EXOG: variants seen among roughly 807,000 people sequenced by gnomAD.
EXOG encodes exo/endonuclease G.
A neutral mutation model predicts 25.8 loss-of-function variants in EXOG; 27 were observed. The ratio of observed to expected loss-of-function variants is 1.05; its 90% CI spans 0.77 to 1.45. The LOEUF (loss-of-function observed/expected upper bound fraction) is 1.45, where lower values mean the gene tolerates loss of function less well. Among genes scored for constraint, EXOG ranks in the 40% most tolerant of loss-of-function variants. The pLI is 0.00. For synonymous variants in EXOG, 133 were observed against 167.0 expected, an observed-to-expected ratio of 0.80 and a Z score of 1.57; for missense variants, 458 against 450.5, an observed-to-expected ratio of 1.02 and a Z score of -0.15.
At chr3:38,516,400 A>G (rs1467973207) in intron 5 of EXOG, among the ~76,000 whole-genome samples, 1 of 152,206 alleles carries the variant, frequency 6.6e-6, no homozygotes. Flanking sequence ...TCAAATTTAT[A>G]GAAAGGTTAT....
intron 5 of EXOG, among the ~76,000 whole-genome samples, chr3:38,517,144 C>T (rs1299158559): frequency 1.3e-5 from 2 of 152,186 alleles, no homozygotes; most frequent in East Asian, 3.8e-4. Context: ...ATATTTCCTG[C>T]CTGAATTAGT....
intron 5 of EXOG, among the ~76,000 whole-genome samples, chr3:38,517,036 C>A (rs2060567046): frequency 1.3e-5 from 2 of 152,144 alleles, no homozygotes; most frequent in African/African-American, 4.8e-5. Context: ...CACCATTTCC[C>A]CCTTTGGAAT....
At chr3:38,514,085 G>GT (rs1436936270) in intron 5 of EXOG, among the ~76,000 whole-genome samples, 6 of 152,228 alleles carry the variant, frequency 3.9e-5, no homozygotes, top group Non-Finnish European at 1.5e-5. Flanking sequence ...CTAGAGCAGC[G>GT]TAAGCATGAG....
chr3:38,502,462 A>T (rs1559677212), intron 3 of EXOG, among the ~76,000 whole-genome samples: 1 of 152,188 alleles, frequency 6.6e-6, no homozygotes, highest in African/African-American at 2.4e-5. Flanking sequence ...AGTACAACAA[A>T]CATTGATACA....
At position 38,508,497 on chromosome 3, in the gene EXOG, A is replaced by G. The variant is rs918881943; in HGVS notation, c.645+1529A>G. 7.4e-4 allele frequency among the ~76,000 whole-genome samples: 112 copies of G among 152,218 alleles called. 1 individual carries two copies. Among genetic ancestry groups the G allele is most frequent in the Admixed American group, 2.6e-4 (4 of 15,282 alleles). ...AATGTTATACTATACTGTGAGGCTTACAGAGGGCAGGGAACAGGTGGAGTG... is the reference window on the plus strand; with the variant it reads ...AATGTTATACTATACTGTGAGGCTTGCAGAGGGCAGGGAACAGGTGGAGTG... On this transcript the variant is annotated intron_variant, in intron 5 of 5. Coordinates refer to ENST00000287675, the MANE Select transcript of EXOG (RefSeq NM_005107.4).
intron 5 of EXOG, among the ~76,000 whole-genome samples, chr3:38,518,626 T>TAA (rs1292766741): frequency 1.3e-5 from 2 of 152,210 alleles, no homozygotes. Flanking sequence ...TAGGAAGTTG[T>TAA]ACCCAATAAA....
At chr3:38,513,668 G>A (rs1416121273) in intron 5 of EXOG, 1 of 152,106 alleles carries the variant, frequency 6.6e-6, no homozygotes, top group African/African-American at 2.4e-5. Flanking sequence ...CTGACTTTCT[G>A]TTTTAATTTG....
At chr3:38,497,390 G>A in intron 1 of EXOG, 1 of 1,265,044 alleles carries the variant, frequency 7.9e-7, no homozygotes, top group Non-Finnish European at 9.9e-7. Flanking sequence ...AGTTAATGCA[G>A]TAGCTGCATT....
chr3:38,524,700 A>C lies in EXOG; in HGVS notation c.*338A>C. 9.9e-7 allele frequency: 1 copy of C among 1,013,338 alleles called. No homozygotes were observed. Among genetic ancestry groups the C allele is most frequent in the Non-Finnish European group, 1.2e-6 (1 of 848,434 alleles). 62.8% of individuals were successfully genotyped at this position (1,013,338 alleles called of 1,614,324 possible). A position where few individuals can be genotyped will look rare whatever the true frequency, so the allele number is the denominator to read the frequency against. ...TCCCCCAAAAGATGAAAGATCTACAATGTTTTTGTCAGTATTATATTTGAC... is the reference window on the plus strand; with the variant it reads ...TCCCCCAAAAGATGAAAGATCTACACTGTTTTTGTCAGTATTATATTTGAC... On this transcript the variant is annotated 3_prime_UTR_variant, in exon 6 of 6. Transcript: ENST00000287675.
At chr3:38,520,979 A>G (rs1337119622) in intron 5 of EXOG, among the ~76,000 whole-genome samples, 4 of 152,176 alleles carry the variant, frequency 2.6e-5, no homozygotes, top group African/African-American at 9.7e-5. Flanking sequence ...AAAATTTATT[A>G]TGTAGATTGA....
chr3:38,514,486 G>T (rs185459662), intron 5 of EXOG, among the ~76,000 whole-genome samples: 15 of 152,210 alleles, frequency 9.9e-5, no homozygotes, highest in African/African-American at 3.6e-4. Context: ...GGACATTAGC[G>T]GTCAGGAAGA....
chr3:38,503,529 A>G (rs1206210765), intron 3 of EXOG, 86 bp from the exon 4 acceptor site: 4 of 739,146 alleles, frequency 5.4e-6, no homozygotes, highest in African/African-American at 5.3e-5. Context: ...TTTAAATAAG[A>G]AAGTGTTTTT....
At chr3:38,507,617 G>A (rs1044054233) in intron 5 of EXOG, among the ~76,000 whole-genome samples, 2 of 152,154 alleles carry the variant, frequency 1.3e-5, no homozygotes, top group Non-Finnish European at 2.9e-5. Context: ...TTTGTTTTAA[G>A]CGTGGGAGAA....
intron 5 of EXOG, among the ~76,000 whole-genome samples, chr3:38,519,094 G>C (rs888944189): frequency 6.6e-6 from 1 of 152,176 alleles, no homozygotes; most frequent in Non-Finnish European, 1.5e-5. Context: ...GGGCCAAGAG[G>C]AGGATTCCTT....
intron 5 of EXOG, among the ~76,000 whole-genome samples, chr3:38,522,795 C>T (rs62239347): frequency 0.062 from 9,372 of 152,306 alleles, 451 homozygotes; most frequent in East Asian, 0.17. Context: ...TGAGCCACCA[C>T]ACCTGGCCCA....
At chr3:38,501,696 A>T (rs1422039105) in intron 3 of EXOG, among the ~76,000 whole-genome samples, 2 of 152,182 alleles carry the variant, frequency 1.3e-5, no homozygotes, top group South Asian at 2.1e-4. Flanking sequence ...ACTAAGTGCT[A>T]TGTGAAGGGA....
In EXOG at chr3:38,506,973, G is replaced by A. The variant is rs752214560; in HGVS notation, c.645+5G>A. On this transcript the variant is annotated splice_donor_5th_base_variant and intron_variant, in intron 5 of 5. Coordinates refer to ENST00000287675, the MANE Select transcript of EXOG (RefSeq NM_005107.4). The stretch of plus-strand genomic sequence containing the variant: ...AAGAAAATAGTTAGTTACCAGGTAA[G>A]GATGTTTAATAGTCAGGTTTATGTT... 17 of 1,236,064 alleles carry A rather than the reference G, an allele frequency of 1.4e-5. No homozygotes were observed. Among genetic ancestry groups the A allele is most frequent in the Middle Eastern group, 1.9e-4 (1 of 5,332 alleles). The allele number at this position is 1,236,064 out of a possible 1,614,324, so 76.6% of individuals were successfully genotyped here. A position where few individuals can be genotyped will look rare whatever the true frequency, so the allele number is the denominator to read the frequency against.
intron 2 of EXOG, chr3:38,498,982 C>A: frequency 2.2e-6 from 1 of 456,734 alleles, no homozygotes; most frequent in Non-Finnish European, 4.4e-6. Context: ...TCTCAACCTT[C>A]ACCTATGGTG....
intron 3 of EXOG, among the ~76,000 whole-genome samples, chr3:38,502,758 C>T (rs753305814): frequency 1.4e-4 from 21 of 152,264 alleles, no homozygotes; most frequent in Non-Finnish European, 2.4e-4. Flanking sequence ...ATGAATCACA[C>T]ATTACATTTA....
Sources: allele counts gnomAD v4.1 joint callset (sites outside exome capture counted in the v4.1 genomes callset), GRCh38; gene constraint gnomAD v4.1.1; transcripts MANE v1.5; gene names NCBI Gene and HGNC (gene_info 2026-07-23, HGNC 2026-07-21).